The following ADAMTSL3 variants were observed in gnomAD, a reference collection of about 807,000 sequenced individuals.
The protein encoded by ADAMTSL3 is ADAMTS-like protein 3.
ADAMTSL3 carries 128 observed loss-of-function variants against 201.7 expected under a neutral mutation model. That is an observed-to-expected ratio of 0.63 (90% CI 0.55 to 0.73). The LOEUF (loss-of-function observed/expected upper bound fraction) is 0.73, where lower values mean the gene tolerates loss of function less well. Among genes scored for constraint, ADAMTSL3 ranks in the 30% least tolerant of loss-of-function variants. The probability of loss-of-function intolerance (pLI) is 0.00; values close to 1 mark genes in which losing one functional copy is unlikely to be tolerated. For synonymous variants in ADAMTSL3, 738 were observed against 748.4 expected, an observed-to-expected ratio of 0.99 and a Z score of 0.23; for missense variants, 1,990 against 2,119.6, an observed-to-expected ratio of 0.94 and a Z score of 1.20.
chr15:83,915,508 T>A (rs2066018614), intron 16 of ADAMTSL3, among the ~76,000 whole-genome samples: 1 of 152,182 alleles, frequency 6.6e-6, no homozygotes, highest in Admixed American at 6.5e-5. Flanking sequence ...TTTTGTTTTT[T>A]TTCAGTAACA....
chr15:83,738,485 T>G (rs1418442244), intron 3 of ADAMTSL3, among the ~76,000 whole-genome samples: 1 of 152,234 alleles, frequency 6.6e-6, no homozygotes, highest in African/African-American at 2.4e-5. Flanking sequence ...CTCTGTTTCT[T>G]TTGTTTGTTT....
At chr15:83,721,331 A>C (rs2062097400) in intron 3 of ADAMTSL3, among the ~76,000 whole-genome samples, 1 of 152,186 alleles carries the variant, frequency 6.6e-6, no homozygotes, top group Non-Finnish European at 1.5e-5. Flanking sequence ...AAACAACCAG[A>C]GTTCATCAGC....
chr15:83,768,147 T>G (rs145949405), intron 3 of ADAMTSL3, among the ~76,000 whole-genome samples: 2 of 152,324 alleles, frequency 1.3e-5, no homozygotes, highest in African/African-American at 4.8e-5. Context: ...AGACACATTA[T>G]TTTTGAAGAG....
At chr15:84,031,218 T>G in intron 27 of ADAMTSL3, 117 bp from the exon 28 acceptor site, 1 of 961,760 alleles carries the variant, frequency 1.0e-6, no homozygotes, top group Non-Finnish European at 1.6e-6. Context: ...CTGGGGACAG[T>G]TGGTTACAGT....
chr15:83,908,725 A>G (rs1298741833), intron 15 of ADAMTSL3, among the ~76,000 whole-genome samples: 1 of 152,196 alleles, frequency 6.6e-6, no homozygotes, highest in Non-Finnish European at 1.5e-5. Flanking sequence ...TTTGTTAGCC[A>G]GGTGTATTCA....
intron 9 of ADAMTSL3, among the ~76,000 whole-genome samples, chr15:83,877,942 A>G (rs1177167446): frequency 1.3e-5 from 2 of 152,150 alleles, no homozygotes; most frequent in Non-Finnish European, 2.9e-5. Flanking sequence ...TCATGTATTA[A>G]TACTAATAGT....
chr15:83,862,017 C>T lies in ADAMTSL3; in HGVS notation c.802+3177C>T, dbSNP rs902696006. 5.3e-5 allele frequency: 8 copies of T among 151,838 alleles called. No individual in the cohort carries two copies. In the South Asian group the frequency reaches 6.3e-4, roughly 12 times the overall value. 9.4% of individuals were successfully genotyped at this position (151,838 alleles called of 1,614,324 possible). ...TCGATCAACTGGAAGAAAGGGTGTC[C>T]GTGATGGAAGATCAAATGAATGAAA... is the stretch of plus-strand genomic sequence containing the variant. On this transcript the variant is annotated intron_variant, in intron 8 of 29. Coordinates refer to ENST00000286744, the MANE Select transcript of ADAMTSL3 (RefSeq NM_207517.3).
chr15:83,664,734 C>T (rs2061225254), intron 2 of ADAMTSL3, among the ~76,000 whole-genome samples: 1 of 152,172 alleles, frequency 6.6e-6, no homozygotes, highest in Non-Finnish European at 1.5e-5. Context: ...GATCCGAGCA[C>T]CTTGGGAGAC....
intron 4 of ADAMTSL3, among the ~76,000 whole-genome samples, chr15:83,785,295 G>A (rs2063243367): frequency 6.6e-6 from 1 of 152,158 alleles, no homozygotes; most frequent in Non-Finnish European, 1.5e-5. Context: ...TCAGGAAAAA[G>A]TTGTAGGTCT....
chr15:83,674,788 T>TATATATATAA (rs1555428965), intron 2 of ADAMTSL3, among the ~76,000 whole-genome samples: 1 of 138,816 alleles, frequency 7.2e-6, no homozygotes, highest in African/African-American at 2.6e-5. Flanking sequence ...TATATATATA[T>TATATATATAA]AAATCTTGCT....
At chr15:83,975,048 C>G (rs541731329) in intron 20 of ADAMTSL3, among the ~76,000 whole-genome samples, 207 of 134,478 alleles carry the variant, frequency 1.5e-3, no homozygotes, top group Non-Finnish European at 2.5e-3. Context: ...CTCGCCTAGG[C>G]TGGAGTGCAG....
chr15:83,926,786 T>G (rs1350967306), intron 17 of ADAMTSL3, among the ~76,000 whole-genome samples: 1 of 152,058 alleles, frequency 6.6e-6, no homozygotes, highest in East Asian at 1.9e-4. Flanking sequence ...CAGATAATTT[T>G]TTGTATTTTT....
At chr15:83,895,415 C>T (rs769374893) in intron 13 of ADAMTSL3, among the ~76,000 whole-genome samples, 2 of 152,172 alleles carry the variant, frequency 1.3e-5, no homozygotes, top group Non-Finnish European at 2.9e-5. Context: ...CACTCTCCAT[C>T]CCCATAAATA....
chr15:83,714,826 C>T lies in ADAMTSL3; in HGVS notation c.189+10318C>T, dbSNP rs1253328344. On this transcript the variant is annotated intron_variant, in intron 3 of 29. Coordinates refer to ENST00000286744, the MANE Select transcript of ADAMTSL3 (RefSeq NM_207517.3). ...TTCTTTCTTCTTTCTTTCTTTCCTT[C>T]TCTCTCTCTTTCTTTCTCTCTCTTT... Among the ~76,000 whole-genome samples, 146 of 103,032 alleles carry T rather than the reference C, an allele frequency of 1.4e-3. 2 individuals carry two copies. The highest frequency in any genetic ancestry group is 4.0e-3 in the African/African-American group (100 of 25,134). 67.6% of individuals were successfully genotyped at this position (103,032 alleles called of 152,430 possible). A position where few individuals can be genotyped will look rare whatever the true frequency, so the allele number is the denominator to read the frequency against.
intron 2 of ADAMTSL3, 121 bp downstream of exon 2, chr15:83,655,951 C>G: frequency 2.9e-6 from 3 of 1,041,926 alleles, no homozygotes; most frequent in South Asian, 3.0e-5. Context: ...GAGAACCAGA[C>G]TTTCTTTCCT....
chr15:83,780,172 G>A (rs2063144073), intron 4 of ADAMTSL3, among the ~76,000 whole-genome samples: 1 of 152,152 alleles, frequency 6.6e-6, no homozygotes, highest in South Asian at 2.1e-4. Context: ...AGCTTTGGGA[G>A]GCTGAGGCGG....
chr15:83,670,979 A>T (rs948730353), intron 2 of ADAMTSL3, among the ~76,000 whole-genome samples: 30 of 152,216 alleles, frequency 2.0e-4, no homozygotes, highest in Admixed American at 2.6e-4. Flanking sequence ...AAACATAGTA[A>T]TAGGTTTCTG....
intron 19 of ADAMTSL3, among the ~76,000 whole-genome samples, chr15:83,953,681 G>T (rs771343487): frequency 3.3e-5 from 5 of 152,118 alleles, no homozygotes; most frequent in African/African-American, 9.7e-5. Flanking sequence ...TTTTATTTCA[G>T]ACTGAAGAGC....
At chr15:84,007,573 C>T (rs1303974877) in intron 23 of ADAMTSL3, among the ~76,000 whole-genome samples, 1 of 151,878 alleles carries the variant, frequency 6.6e-6, no homozygotes, top group Non-Finnish European at 1.5e-5. Flanking sequence ...AATAAAAATC[C>T]ATCTCTCTCT....
Sources: allele counts gnomAD v4.1 joint callset (sites outside exome capture counted in the v4.1 genomes callset), GRCh38; gene constraint gnomAD v4.1.1; transcripts MANE v1.5; gene names NCBI Gene and HGNC (gene_info 2026-07-23, HGNC 2026-07-21).